The following SOX6 variants were observed in gnomAD, a reference collection of about 807,000 sequenced individuals.
SOX6 encodes transcription factor SOX-6.
SOX6 carries 11 observed loss-of-function variants against 97.8 expected under a neutral mutation model. The ratio of observed to expected loss-of-function variants is 0.11; its 90% CI spans 0.07 to 0.19. SOX6 has a LOEUF of 0.19. Among genes scored for constraint, SOX6 ranks in the 10% least tolerant of loss-of-function variants. The pLI is 1.00. For missense variants in SOX6, 810 were observed against 1,039.5 expected, an observed-to-expected ratio of 0.78 and a Z score of 3.04; for synonymous variants, 360 against 371.4, an observed-to-expected ratio of 0.97 and a Z score of 0.35.
intron 3 of SOX6, among the ~76,000 whole-genome samples, chr11:16,687,934 CT>C (rs561085120): frequency 2.0e-5 from 3 of 152,142 alleles, no homozygotes; most frequent in African/African-American, 7.2e-5. Flanking sequence ...TAAATAATGT[CT>C]TTTTTCCTCT....
intron 6 of SOX6, among the ~76,000 whole-genome samples, chr11:16,145,200 G>A (rs983261359): frequency 1.1e-4 from 17 of 152,074 alleles, no homozygotes; most frequent in African/African-American, 2.4e-4. Context: ...TTCAACATGC[G>A]CAAATCAATA....
intron 1 of SOX6, among the ~76,000 whole-genome samples, chr11:16,377,835 A>T (rs906208720): frequency 6.6e-6 from 1 of 152,270 alleles, no homozygotes; most frequent in East Asian, 1.9e-4. Context: ...TTGCCATGAG[A>T]TATTAATTTC....
intron 4 of SOX6, among the ~76,000 whole-genome samples, chr11:16,594,684 C>CTTTTTTTTTTTTTTTTTTTTTTTT (rs10653599): frequency 1.5e-5 from 1 of 68,266 alleles, no homozygotes; most frequent in African/African-American, 6.2e-5. Flanking sequence ...TCGGTTTTTG[C>CTTTTTTTTTTTTTTTTTTTTTTTT]TTTTTTTTTT....
intron 4 of SOX6, among the ~76,000 whole-genome samples, chr11:16,564,738 T>A (rs947091511): frequency 4.0e-5 from 6 of 151,818 alleles, no homozygotes; most frequent in African/African-American, 1.5e-4. Context: ...TCAAAAGAAA[T>A]TTTTTTAAAA....
intron 2 of SOX6, among the ~76,000 whole-genome samples, chr11:16,729,790 TAAAG>T (rs1284875478): frequency 1.3e-5 from 2 of 151,928 alleles, no homozygotes; most frequent in African/African-American, 4.8e-5. Flanking sequence ...GCAAATTGGA[TAAAG>T]AGTCAATACC....
intron 3 of SOX6, among the ~76,000 whole-genome samples, chr11:16,263,026 A>G (rs1265329170): frequency 6.6e-6 from 1 of 151,934 alleles, no homozygotes; most frequent in South Asian, 2.1e-4. Context: ...TTCTCCCTCA[A>G]ATTCACCTGT....
intron 2 of SOX6, among the ~76,000 whole-genome samples, chr11:16,319,792 G>A (rs758914849): frequency 2.6e-4 from 39 of 151,296 alleles, no homozygotes; most frequent in Non-Finnish European, 4.4e-4. Context: ...GAATAGTGCC[G>A]CAATAAACAT....
chr11:16,273,514 C>T (rs1044988188), intron 3 of SOX6, among the ~76,000 whole-genome samples: 2 of 151,908 alleles, frequency 1.3e-5, no homozygotes, highest in Non-Finnish European at 2.9e-5. Context: ...GGAGACAGCT[C>T]AGATCCCAAA....
In SOX6 at chr11:16,124,879, C is replaced by T. The variant is rs543333748; in HGVS notation, c.778-12956G>A. Reference sequence around the variant, plus strand: ...CGCAGAGAGACAAGTTTAGAAAATACCTCAGTAGGCCCAAAATGGGGATAA... The same window carrying T: ...CGCAGAGAGACAAGTTTAGAAAATATCTCAGTAGGCCCAAAATGGGGATAA... On this transcript the variant is annotated intron_variant, in intron 6 of 15. Transcript: ENST00000683767. Among the ~76,000 whole-genome samples, 22 of 152,086 alleles carry T rather than the reference C, an allele frequency of 1.4e-4. No individual in the cohort carries two copies. The South Asian group carries it at 4.6e-3, about 32-fold the overall frequency.
At chr11:16,523,400 C>T (rs1450158231) in intron 4 of SOX6, among the ~76,000 whole-genome samples, 8 of 152,004 alleles carry the variant, frequency 5.3e-5, no homozygotes, top group Admixed American at 2.6e-4. Context: ...CATAAGGAAA[C>T]GAAGGCTGAA....
chr11:16,022,311 C>CTTCCTTCCTTCCTTCT, intron 12 of SOX6, among the ~76,000 whole-genome samples: 1 of 146,218 alleles, frequency 6.8e-6, no homozygotes, highest in Non-Finnish European at 1.5e-5. Context: ...TTTGTTTTTC[C>CTTCCTTCCTTCCTTCT]TTCCTTCCTT....
At chr11:16,602,957 G>A (rs1848288553) in intron 4 of SOX6, among the ~76,000 whole-genome samples, 1 of 151,884 alleles carries the variant, frequency 6.6e-6, no homozygotes, top group South Asian at 2.1e-4. Context: ...GGAGGCGGAG[G>A]TTACAGTGAG....
intron 4 of SOX6, among the ~76,000 whole-genome samples, chr11:16,495,700 C>T (rs1314930062): frequency 6.6e-6 from 1 of 152,166 alleles, no homozygotes; most frequent in Non-Finnish European, 1.5e-5. Context: ...TGGCCAGGGA[C>T]CCAAAGACCC....
At chr11:16,653,079 C>T (rs917354629) in intron 3 of SOX6, among the ~76,000 whole-genome samples, 1 of 152,162 alleles carries the variant, frequency 6.6e-6, no homozygotes, top group Non-Finnish European at 1.5e-5. Flanking sequence ...CACCTTACTC[C>T]TGCAAGAATG....
chr11:16,067,360 G>A (rs1374565527), intron 9 of SOX6, among the ~76,000 whole-genome samples: 1 of 152,122 alleles, frequency 6.6e-6, no homozygotes, highest in Non-Finnish European at 1.5e-5. Context: ...GAAACATGGG[G>A]GCTGGGTTTT....
At chr11:16,200,737 T>C (rs1167044669) in intron 4 of SOX6, among the ~76,000 whole-genome samples, 1 of 152,198 alleles carries the variant, frequency 6.6e-6, no homozygotes, top group African/African-American at 2.4e-5. Flanking sequence ...CTTGATTACA[T>C]CATTTTTATA....
At chr11:16,289,204 G>A (rs1205394673) in intron 3 of SOX6, among the ~76,000 whole-genome samples, 1 of 151,900 alleles carries the variant, frequency 6.6e-6, no homozygotes. Context: ...GTAAGGTTAA[G>A]ATTTTTCTTA....
intron 13 of SOX6, among the ~76,000 whole-genome samples, chr11:16,005,774 T>C (rs1164604178): frequency 1.3e-5 from 2 of 152,178 alleles, no homozygotes; most frequent in East Asian, 3.9e-4. Context: ...ATGAAATGCT[T>C]TTTTCCAGGT....
At chr11:16,387,235 T>A (rs940277432) in intron 1 of SOX6, among the ~76,000 whole-genome samples, 2 of 152,172 alleles carry the variant, frequency 1.3e-5, no homozygotes, top group Admixed American at 1.3e-4. Context: ...AAGAATACTT[T>A]TTAAAATGCC....
Sources: allele counts gnomAD v4.1 joint callset (sites outside exome capture counted in the v4.1 genomes callset), GRCh38; gene constraint gnomAD v4.1.1; transcripts MANE v1.5; gene names NCBI Gene and HGNC (gene_info 2026-07-23, HGNC 2026-07-21).